The following MIPOL1 variants were observed in gnomAD, a reference collection of about 807,000 sequenced individuals.
MIPOL1 encodes mirror-image polydactyly 1.
Under a neutral mutation model 60.9 loss-of-function variants are expected in MIPOL1, and 57 were observed. The observed-to-expected ratio is 0.94, with a 90% CI of 0.76 to 1.17. MIPOL1 has a LOEUF of 1.17. MIPOL1 is among the 50% of genes most tolerant of loss of function. The pLI is 0.00. For missense variants in MIPOL1, 551 were observed against 511.6 expected (o/e 1.08, Z -0.74); for synonymous variants, 179 against 168.8 (o/e 1.06, Z -0.47).
chr14:37,208,818 T>C (rs1011852716), intron 1 of MIPOL1, among the ~76,000 whole-genome samples: 2 of 152,172 alleles, frequency 1.3e-5, no homozygotes, highest in African/African-American at 4.8e-5. Context: ...CTCAAACTCC[T>C]GTTGTCAAGT....
rs957925105 is a variant in MIPOL1 at position 37,199,617 on chromosome 14, C to T, written c.-199+1513C>T. 3.3e-5 allele frequency among the ~76,000 whole-genome samples: 5 copies of T among 152,106 alleles called. No individual in the cohort carries two copies. In the East Asian group the frequency reaches 7.7e-4, roughly 24 times the overall value. ...TCGGCTTACTGCAACCTCCGCCTCC[C>T]GGGATCAAGCAATTCTCCTGTCTCA... is the stretch of plus-strand genomic sequence containing the variant. On this transcript the variant is annotated intron_variant, in intron 1 of 12. Coordinates refer to ENST00000684589, the MANE Select transcript of MIPOL1 (RefSeq NM_001388067.1).
chr14:37,409,358 C>T (rs1418350143), intron 10 of MIPOL1, among the ~76,000 whole-genome samples: 1 of 151,844 alleles, frequency 6.6e-6, no homozygotes, highest in Non-Finnish European at 1.5e-5. Flanking sequence ...CCTGAGTTAT[C>T]CACAGGTGCT....
At chr14:37,469,825 A>G (rs1477192341) in intron 11 of MIPOL1, among the ~76,000 whole-genome samples, 5 of 152,160 alleles carry the variant, frequency 3.3e-5, no homozygotes, top group African/African-American at 9.7e-5. Context: ...ACCTTCCACC[A>G]TGGGATGACC....
At chr14:37,329,254 C>T (rs756849489) in intron 9 of MIPOL1, among the ~76,000 whole-genome samples, 13 of 151,850 alleles carry the variant, frequency 8.6e-5, no homozygotes, top group Admixed American at 2.6e-4. Flanking sequence ...AAAAAGAATG[C>T]GGGTAAATGA....
intron 9 of MIPOL1, among the ~76,000 whole-genome samples, chr14:37,319,809 G>C (rs1164734510): frequency 6.6e-6 from 1 of 151,986 alleles, no homozygotes; most frequent in Non-Finnish European, 1.5e-5. Flanking sequence ...CTTCCCAGTC[G>C]GAATTTCTCA....
chr14:37,272,753 T>C (rs958291939), intron 6 of MIPOL1, among the ~76,000 whole-genome samples: 3 of 151,596 alleles, frequency 2.0e-5, no homozygotes, highest in African/African-American at 7.2e-5. Context: ...AAATAAAAAG[T>C]GTATTTGGCA....
intron 9 of MIPOL1, among the ~76,000 whole-genome samples, chr14:37,323,416 T>C (rs2088823665): frequency 6.6e-6 from 1 of 152,104 alleles, no homozygotes; most frequent in South Asian, 2.1e-4. Context: ...GCGTGATGCC[T>C]CCAGCTTTGT....
At chr14:37,287,735 G>GA (rs987163051) in intron 7 of MIPOL1, among the ~76,000 whole-genome samples, 4 of 151,298 alleles carry the variant, frequency 2.6e-5, no homozygotes, top group African/African-American at 4.9e-5. Flanking sequence ...AAATGAGACT[G>GA]AAAAAAAAGG....
At chr14:37,297,302 T>C (rs1295849820) in intron 7 of MIPOL1, among the ~76,000 whole-genome samples, 1 of 152,146 alleles carries the variant, frequency 6.6e-6, no homozygotes, top group Non-Finnish European at 1.5e-5. Context: ...ATGGGATGTA[T>C]CTCAAAATAA....
chr14:37,427,043 T>C (rs1238155749), intron 11 of MIPOL1, among the ~76,000 whole-genome samples: 1 of 152,004 alleles, frequency 6.6e-6, no homozygotes, highest in Non-Finnish European at 1.5e-5. Flanking sequence ...TACCATATGA[T>C]CTAGCAAGCC....
At chr14:37,456,539 C>T (rs758359420) in intron 11 of MIPOL1, among the ~76,000 whole-genome samples, 18 of 152,042 alleles carry the variant, frequency 1.2e-4, no homozygotes, top group Admixed American at 5.2e-4. Context: ...GCTATCTTGC[C>T]GTAATCCACT....
intron 3 of MIPOL1, among the ~76,000 whole-genome samples, chr14:37,253,922 T>A (rs1974505052): frequency 6.6e-6 from 1 of 151,738 alleles, no homozygotes; most frequent in Non-Finnish European, 1.5e-5. Flanking sequence ...TTTTGGCAAG[T>A]ATGGATTTAA....
At chr14:37,491,629 A>G (rs1432691889) in intron 11 of MIPOL1, among the ~76,000 whole-genome samples, 1 of 152,246 alleles carries the variant, frequency 6.6e-6, no homozygotes, top group Admixed American at 6.5e-5. Context: ...TATTTAGTGA[A>G]ACCCAATTTA....
intron 12 of MIPOL1, among the ~76,000 whole-genome samples, chr14:37,520,308 G>A (rs752982799): frequency 2.0e-5 from 3 of 152,098 alleles, no homozygotes; most frequent in Non-Finnish European, 4.4e-5. Flanking sequence ...GTTGACATTA[G>A]AAAATTTCAT....
At position 37,521,893 on chromosome 14, in the gene MIPOL1, A is replaced by AAAATAT. The variant is rs371492296; in HGVS notation, c.1262+21756_1262+21757insAATATA. 1.7e-3 allele frequency among the ~76,000 whole-genome samples: 214 copies of AAAATAT among 123,540 alleles called. 1 individual carries two copies. The highest frequency in any genetic ancestry group is 4.8e-3 in the Middle Eastern group (1 of 208). The allele number at this position is 123,540 out of a possible 152,430, so 81.0% of individuals were successfully genotyped here. ...CCAAGACTTTATCTAAAGAAAAAAAAATATATATATATATATATTTTTTTT... is the reference window on the plus strand; with the variant it reads ...CCAAGACTTTATCTAAAGAAAAAAAAAAATATATATATATATATATATATTTTTTTT... On this transcript the variant is annotated intron_variant, in intron 12 of 12. Transcript: ENST00000684589.
chr14:37,368,768 T>C (rs1010521495), intron 9 of MIPOL1, among the ~76,000 whole-genome samples: 1 of 152,058 alleles, frequency 6.6e-6, no homozygotes, highest in Non-Finnish European at 1.5e-5. Context: ...TATATTGAAA[T>C]CTTATATTCA....
intron 12 of MIPOL1, among the ~76,000 whole-genome samples, chr14:37,525,291 GGAA>G (rs1217961621): frequency 6.6e-6 from 1 of 152,132 alleles, no homozygotes; most frequent in Non-Finnish European, 1.5e-5. Context: ...TCATAATAGG[GGAA>G]GTGTGTAGTA....
chr14:37,342,874 ATTAGTCTT>A (rs1468572212), intron 9 of MIPOL1, among the ~76,000 whole-genome samples: 5 of 151,796 alleles, frequency 3.3e-5, no homozygotes, highest in African/African-American at 1.2e-4. Flanking sequence ...GTTCCTTCAA[ATTAGTCTT>A]TTATGGATAA....
intron 7 of MIPOL1, among the ~76,000 whole-genome samples, chr14:37,294,351 G>A (rs1394586071): frequency 6.6e-6 from 1 of 152,132 alleles, no homozygotes; most frequent in Non-Finnish European, 1.5e-5. Context: ...AAACCACAAA[G>A]ATGGGGAAAA....
Sources: allele counts gnomAD v4.1 joint callset (sites outside exome capture counted in the v4.1 genomes callset), GRCh38; gene constraint gnomAD v4.1.1; transcripts MANE v1.5; gene names NCBI Gene and HGNC (gene_info 2026-07-23, HGNC 2026-07-21).